INPP4B: variants seen among roughly 807,000 people sequenced by gnomAD.
INPP4B encodes the protein inositol polyphosphate-4-phosphatase type II B.
Under a neutral mutation model 122.5 loss-of-function variants are expected in INPP4B, and 55 were observed. That is an observed-to-expected ratio of 0.45 (90% confidence interval 0.36 to 0.56). The LOEUF is 0.56. Among genes scored for constraint, INPP4B ranks in the 20% least tolerant of loss-of-function variants. The pLI, the probability that INPP4B is intolerant of heterozygous loss-of-function variation, is 0.00. For synonymous variants in INPP4B, 403 were observed against 388.7 expected, an observed-to-expected ratio of 1.04 and a Z score of -0.43; for missense variants, 1,000 against 1,097.7, an observed-to-expected ratio of 0.91 and a Z score of 1.26.
intron 1 of INPP4B, among the ~76,000 whole-genome samples, chr4:142,756,512 T>C (rs755921145): frequency 6.6e-6 from 1 of 152,008 alleles, no homozygotes; most frequent in Non-Finnish European, 1.5e-5. Context: ...ACTTTACTGA[T>C]AAAACTGGAG....
rs72946873 is a variant in INPP4B, at chr4:142,498,120, T to C, written c.-190-35394A>G. 3.7e-3 allele frequency among the ~76,000 whole-genome samples: 559 copies of C among 149,444 alleles called. 3 individuals are homozygous for C. Among genetic ancestry groups the C allele is most frequent in the African/African-American group, 0.013 (525 of 40,358 alleles). The stretch of plus-strand genomic sequence containing the variant: ...TTGTGTGTGTGTGTGTATATATATA[T>C]ACACACACACATATATGTATACATA... On this transcript the variant is annotated intron_variant, in intron 2 of 25. Coordinates refer to ENST00000262992, the MANE Select transcript of INPP4B (RefSeq NM_001101669.3).
chr4:142,741,466 C>T (rs2150919506), intron 1 of INPP4B, among the ~76,000 whole-genome samples: 1 of 152,020 alleles, frequency 6.6e-6, no homozygotes, highest in Non-Finnish European at 1.5e-5. Flanking sequence ...TCACACCAGG[C>T]CCCATCTCCA....
At chr4:142,253,501 C>T (rs1439898781) in intron 11 of INPP4B, among the ~76,000 whole-genome samples, 10 of 152,130 alleles carry the variant, frequency 6.6e-5, no homozygotes, top group Non-Finnish European at 1.5e-4. Flanking sequence ...GTGCGCGCAC[C>T]ATGTGCGAGC....
In INPP4B at chr4:142,435,127, G is replaced by A. The variant is rs560771006; in HGVS notation, c.-126-3742C>T. ...AGTTCCATTTGTCCCATGCCACATG[G>A]TCATGTGAGACCCTTTTCCTCACAC... On this transcript the variant is annotated intron_variant, in intron 3 of 25. Transcript: ENST00000262992. Among the ~76,000 whole-genome samples, 13 of 152,210 alleles carry A rather than the reference G, an allele frequency of 8.5e-5. 1 individual carries two copies. The South Asian group carries it at 2.7e-3, about 32-fold the overall frequency.
chr4:142,813,829 G>A (rs1156538042), intron 1 of INPP4B, among the ~76,000 whole-genome samples: 2 of 151,990 alleles, frequency 1.3e-5, no homozygotes, highest in Non-Finnish European at 2.9e-5. Flanking sequence ...TTGTGTCTTT[G>A]GGAAGTATTT....
chr4:142,639,422 T>G (rs1749889545), intron 2 of INPP4B, among the ~76,000 whole-genome samples: 1 of 152,186 alleles, frequency 6.6e-6, no homozygotes, highest in Non-Finnish European at 1.5e-5. Flanking sequence ...TTAAATAGGT[T>G]TATTCAGATT....
At chr4:142,653,105 C>G (rs1191297940) in intron 2 of INPP4B, among the ~76,000 whole-genome samples, 2 of 152,114 alleles carry the variant, frequency 1.3e-5, no homozygotes, top group East Asian at 1.9e-4. Context: ...ACAAACCTGA[C>G]AAAAACAGGA....
At chr4:142,206,801 ATAAGAAC>A (rs1842768619) in intron 14 of INPP4B, among the ~76,000 whole-genome samples, 1 of 152,072 alleles carries the variant, frequency 6.6e-6, no homozygotes, top group Non-Finnish European at 1.5e-5. Flanking sequence ...GTGTATGTGT[ATAAGAAC>A]ACTTAACAAA....
intron 9 of INPP4B, among the ~76,000 whole-genome samples, chr4:142,303,052 A>G (rs1219116505): frequency 6.6e-6 from 1 of 152,158 alleles, no homozygotes. Flanking sequence ...ACACAACATC[A>G]TATTTCATTA....
chr4:142,811,673 T>G (rs931883033), intron 1 of INPP4B, among the ~76,000 whole-genome samples: 9 of 152,194 alleles, frequency 5.9e-5, no homozygotes, highest in Non-Finnish European at 1.3e-4. Context: ...TGTCACTTAG[T>G]TAGATTAGAA....
intron 1 of INPP4B, among the ~76,000 whole-genome samples, chr4:142,799,317 T>C (rs1777702370): frequency 6.6e-6 from 1 of 151,850 alleles, no homozygotes. Flanking sequence ...CAATTTTAAA[T>C]TGTACACATT....
At chr4:142,047,534 C>T (rs1305802243) in intron 25 of INPP4B, among the ~76,000 whole-genome samples, 3 of 151,896 alleles carry the variant, frequency 2.0e-5, no homozygotes, top group African/African-American at 7.3e-5. Flanking sequence ...AAAGCAGAGG[C>T]CTCCAGAGAA....
At chr4:142,613,905 T>C (rs1282171223) in intron 2 of INPP4B, among the ~76,000 whole-genome samples, 1 of 151,878 alleles carries the variant, frequency 6.6e-6, no homozygotes, top group Non-Finnish European at 1.5e-5. Flanking sequence ...ATAGAAAGGG[T>C]TTGTTGTATT....
intron 9 of INPP4B, among the ~76,000 whole-genome samples, chr4:142,294,856 A>AAAAG (rs1561775056): frequency 7.0e-6 from 1 of 143,804 alleles, no homozygotes; most frequent in African/African-American, 2.6e-5. Flanking sequence ...AAAAAAAAAA[A>AAAAG]GGCAGACTTA....
At chr4:142,461,826 T>C (rs527390821) in intron 3 of INPP4B, among the ~76,000 whole-genome samples, 1 of 136,526 alleles carries the variant, frequency 7.3e-6, no homozygotes, top group South Asian at 2.4e-4. Flanking sequence ...CACACACACG[T>C]TGGGGTAAGG....
intron 1 of INPP4B, among the ~76,000 whole-genome samples, chr4:142,838,345 TC>T (rs757132843): frequency 8.1e-4 from 123 of 151,292 alleles, no homozygotes; most frequent in Non-Finnish European, 1.4e-3. Context: ...ACATTTATAA[TC>T]AGAAAAATAG....
At chr4:142,244,512 C>A (rs1227427562) in intron 11 of INPP4B, among the ~76,000 whole-genome samples, 1 of 151,788 alleles carries the variant, frequency 6.6e-6, no homozygotes, top group African/African-American at 2.4e-5. Flanking sequence ...ACTGTGTTAG[C>A]CAGGATGGTC....
rs1006437771 is a variant in INPP4B, at chr4:142,306,875, T to TA, written c.424-1339dup. Among the ~76,000 whole-genome samples, 13 of 152,016 alleles carry TA rather than the reference T, an allele frequency of 8.6e-5. 1 individual carries two copies. The highest frequency in any genetic ancestry group is 2.1e-4 in the South Asian group (1 of 4,822). On this transcript the variant is annotated intron_variant, in intron 8 of 25. Coordinates refer to ENST00000262992, the MANE Select transcript of INPP4B (RefSeq NM_001101669.3). ...AGGAGACAGAATGAGACCTCATTTC[T>TA]AAAAAAGAAAGAAAAGGAAAGGAAA...
In INPP4B at chr4:142,431,224, C is replaced by A; in HGVS notation, c.36G>T (p.Gly12=). The A allele has an allele frequency of 6.2e-7, 1 of 1,613,350 alleles. No homozygotes were observed. The highest frequency in any genetic ancestry group is 8.5e-7 in the Non-Finnish European group (1 of 1,179,448). The part of the protein sequence containing the change: ...EIKEEGASEE[G]QHFLPTAQAN... ...CCTGGGCTGTAGGAAGAAAGTGCTG[C>A]CCTTCTTCTGATGCCCCTTCCTCTT... is the stretch of plus-strand genomic sequence containing the variant. The change falls in exon 4 of 26, where the codon GGG becomes GGT. Residue 12 remains glycine, a synonymous_variant. Coordinates refer to ENST00000262992, the MANE Select transcript of INPP4B (RefSeq NM_001101669.3).
Sources: gnomAD v4.1 joint callset for allele counts (sites outside exome capture counted in the v4.1 genomes callset) on GRCh38, gnomAD v4.1.1 for gene constraint, MANE v1.5 for transcripts, NCBI Gene and HGNC (gene_info 2026-07-23, HGNC 2026-07-21) for gene names.